AVEN: variants seen among roughly 807,000 people sequenced by gnomAD.
AVEN encodes the protein apoptosis and caspase activation inhibitor, also known as cell death regulator Aven.
A neutral mutation model predicts 38.1 loss-of-function variants in AVEN; 41 were observed. The observed-to-expected ratio is 1.08, with a 90% CI of 0.84 to 1.40. The LOEUF is 1.40. Ranked by LOEUF, AVEN falls within the 40% of genes most tolerant of loss-of-function variation. The pLI is 0.00. For synonymous variants in AVEN, 206 were observed against 171.8 expected (o/e 1.20, Z -1.56); for missense variants, 605 against 438.8 (o/e 1.38, Z -3.38).
intron 2 of AVEN, among the ~76,000 whole-genome samples, chr15:33,879,319 G>T (rs142420282): frequency 6.9e-6 from 1 of 145,908 alleles, no homozygotes; most frequent in African/African-American, 2.5e-5. Flanking sequence ...AACAAACACC[G>T]CATGTTCTCA....
intron 2 of AVEN, among the ~76,000 whole-genome samples, chr15:33,951,306 T>C (rs879873958): frequency 6.6e-6 from 1 of 152,026 alleles, no homozygotes; most frequent in African/African-American, 2.4e-5. Context: ...TATTAACAAT[T>C]AATAGTTTGA....
In AVEN at chr15:33,937,326, A is replaced by G. The variant is rs1376734641; in HGVS notation, c.446-61331T>C. Among the ~76,000 whole-genome samples, 14 of 150,966 alleles carry G rather than the reference A, an allele frequency of 9.3e-5. No homozygotes were observed. The East Asian group carries it at 2.6e-3, about 28-fold the overall frequency. On this transcript the variant is annotated intron_variant, in intron 2 of 5. Coordinates refer to ENST00000306730, the MANE Select transcript of AVEN (RefSeq NM_020371.3). ...GAGGCGGGCGGATCATGAGGTCAGG[A>G]GATTGAGACCATCCTGGCTAACACG... is the stretch of plus-strand genomic sequence containing the variant.
intron 11 of AVEN, chr15:33,860,525 TCTTC>T: frequency 2.2e-6 from 2 of 892,390 alleles, no homozygotes; most frequent in Non-Finnish European, 3.3e-6. Flanking sequence ...CAAAGTAGCT[TCTTC>T]CTTTATCATT....
In AVEN at chr15:34,039,173, G is replaced by A. The variant is rs983613850; in HGVS notation, c.-127C>T. On this transcript the variant is annotated 5_prime_UTR_variant, in exon 1 of 6. Coordinates refer to ENST00000306730, the MANE Select transcript of AVEN (RefSeq NM_020371.3). ...GCGCCCGGTAGCAGCGAGGCGCGGGGTGCGGGGCTAGGGATCGAGGCCGGC... is the reference window on the plus strand; with the variant it reads ...GCGCCCGGTAGCAGCGAGGCGCGGGATGCGGGGCTAGGGATCGAGGCCGGC... 8.6e-5 allele frequency: 72 copies of A among 835,054 alleles called. No individual in the cohort carries two copies. Among genetic ancestry groups the A allele is most frequent in the Non-Finnish European group, 4.0e-5 (27 of 683,050 alleles). 51.7% of individuals were successfully genotyped at this position (835,054 alleles called of 1,614,324 possible).
At chr15:33,864,483 G>C (rs540112514), downstream of AVEN, among the ~76,000 whole-genome samples, 15 of 152,274 alleles carry the variant, frequency 9.9e-5, no homozygotes, top group African/African-American at 3.4e-4. Context: ...ATAAGAAATG[G>C]AGTGGGTGGC....
intron 2 of AVEN, among the ~76,000 whole-genome samples, chr15:33,888,765 T>C (rs1169698622): frequency 6.6e-6 from 1 of 152,220 alleles, no homozygotes; most frequent in East Asian, 1.9e-4. Flanking sequence ...TGTGTGTGTG[T>C]GTGTGAGATG....
chr15:33,887,009 T>G (rs1407520249), intron 2 of AVEN, among the ~76,000 whole-genome samples: 1 of 152,156 alleles, frequency 6.6e-6, no homozygotes, highest in Non-Finnish European at 1.5e-5. Flanking sequence ...CAATTAAGGT[T>G]TTCTAGAAAC....
At chr15:33,977,744 T>C (rs905278800) in intron 2 of AVEN, among the ~76,000 whole-genome samples, 1 of 149,940 alleles carries the variant, frequency 6.7e-6, no homozygotes, top group African/African-American at 2.4e-5. Flanking sequence ...AGCAAGTAAG[T>C]CCTCCCTGGC....
In AVEN at chr15:34,063,518, C is replaced by T. The variant is rs1326942091; in HGVS notation, n.1127-86G>A. The T allele has an allele frequency of 1.2e-6, 2 of 1,613,760 alleles. No homozygotes were observed. The highest frequency in any genetic ancestry group is 1.7e-6 in the Non-Finnish European group (2 of 1,180,042). ...CCACCCTGGCCCAGCGGGAAAGGAA[C>T]CAGGCCTCCTGGTCATCCTCCCGCA... is the stretch of plus-strand genomic sequence containing the variant. On this transcript the variant is annotated intron_variant and non_coding_transcript_variant, in intron 4 of 11. Coordinates refer to the AVEN transcript ENST00000675287. The surrounding 1 kb of genome is among the most constrained non-coding windows in gnomAD (Gnocchi z 4.1).
chr15:33,982,730 C>A (rs892387657), intron 2 of AVEN, among the ~76,000 whole-genome samples: 12 of 151,518 alleles, frequency 7.9e-5, no homozygotes, highest in African/African-American at 1.7e-4. Context: ...TTATGTTGTA[C>A]ATCCAAATAC....
chr15:33,868,853 T>G (rs1026827577), intron 4 of AVEN, among the ~76,000 whole-genome samples: 3 of 152,210 alleles, frequency 2.0e-5, no homozygotes, highest in Non-Finnish European at 2.9e-5. Flanking sequence ...TCATTCCATG[T>G]ATACTTACAT....
intron 5 of AVEN, chr15:34,062,571 A>G (rs112271785): frequency 0.031 from 20,541 of 665,122 alleles, 54 homozygotes; most frequent in Middle Eastern, 0.071. Context: ...AAAAAAAAAA[A>G]AAACTATAAA....
At chr15:34,010,468 C>A (rs1567465127) in intron 1 of AVEN, among the ~76,000 whole-genome samples, 1 of 152,042 alleles carries the variant, frequency 6.6e-6, no homozygotes, top group African/African-American at 2.4e-5. Context: ...CTATTTAAAG[C>A]CTTTTATGTT....
At chr15:33,915,975 C>T (rs1893120651) in intron 2 of AVEN, among the ~76,000 whole-genome samples, 1 of 152,140 alleles carries the variant, frequency 6.6e-6, no homozygotes, top group South Asian at 2.1e-4. Context: ...CATAACTCCA[C>T]TGGCCTGAGA....
chr15:33,932,834 C>CAAATAAAT (rs368767063), intron 2 of AVEN, among the ~76,000 whole-genome samples: 5,747 of 139,810 alleles, frequency 0.041, 152 homozygotes, highest in East Asian at 0.11. Context: ...ACAAAATAAA[C>CAAATAAAT]AAACAAATAA....
chr15:34,007,070 T>A (rs530400234), intron 1 of AVEN: 1 of 984,502 alleles, frequency 1.0e-6, no homozygotes, highest in African/African-American at 1.7e-5. Flanking sequence ...ACTGGTTGCA[T>A]TGTTCAGAGA....
At chr15:33,867,927 G>A in intron 4 of AVEN, 72 bp from the exon 5 acceptor site, 1 of 1,490,964 alleles carries the variant, frequency 6.7e-7, no homozygotes, top group South Asian at 1.4e-5. Flanking sequence ...ATACATAGGA[G>A]GCTAAACGAA....
intron 2 of AVEN, chr15:33,991,229 C>T (rs958634187): frequency 3.3e-5 from 5 of 152,148 alleles, no homozygotes; most frequent in African/African-American, 1.2e-4. Flanking sequence ...TTTATAGAGA[C>T]CCTGGCCCTG....
chr15:33,919,216 A>C (rs1024530630), intron 2 of AVEN, among the ~76,000 whole-genome samples: 2 of 152,100 alleles, frequency 1.3e-5, no homozygotes, highest in African/African-American at 4.8e-5. Flanking sequence ...TGTGTTTTTA[A>C]GAAAAAAATC....
Sources: gnomAD v4.1 joint callset for allele counts (sites outside exome capture counted in the v4.1 genomes callset) on GRCh38, gnomAD v4.1.1 for gene constraint, Gnocchi (gnomAD v3.1) non-coding constraint, MANE v1.5 for transcripts, NCBI Gene and HGNC (gene_info 2026-07-23, HGNC 2026-07-21) for gene names.